PRKCB: variants seen among roughly 807,000 people sequenced by gnomAD.
PRKCB encodes the protein protein kinase C beta.
Under a neutral mutation model 81.5 loss-of-function variants are expected in PRKCB, and 13 were observed. The ratio of observed to expected loss-of-function variants is 0.16; its 90% CI spans 0.10 to 0.25. The LOEUF (loss-of-function observed/expected upper bound fraction) is 0.25, where lower values mean the gene tolerates loss of function less well. Ranked by LOEUF, PRKCB falls within the 10% of genes least tolerant of loss-of-function variation. The pLI, the probability that PRKCB is intolerant of heterozygous loss-of-function variation, is 1.00. For synonymous variants in PRKCB, 335 were observed against 321.4 expected, an observed-to-expected ratio of 1.04 and a Z score of -0.45; for missense variants, 509 against 875.7, an observed-to-expected ratio of 0.58 and a Z score of 5.29.
At chr16:24,129,010 G>C (rs564623784) in intron 9 of PRKCB, among the ~76,000 whole-genome samples, 1 of 152,128 alleles carries the variant, frequency 6.6e-6, no homozygotes, top group African/African-American at 2.4e-5. Context: ...AGTAAATACA[G>C]CAAATACTTG....
chr16:23,964,294 G>C (rs993468625), intron 2 of PRKCB, among the ~76,000 whole-genome samples: 1 of 152,326 alleles, frequency 6.6e-6, no homozygotes, highest in Non-Finnish European at 1.5e-5. Flanking sequence ...GCTGTGGCTT[G>C]TGGATCCATG....
intron 8 of PRKCB, among the ~76,000 whole-genome samples, chr16:24,114,992 C>G (rs1966719915): frequency 6.6e-6 from 1 of 152,048 alleles, no homozygotes; most frequent in Non-Finnish European, 1.5e-5. Context: ...TGGAAGTTTA[C>G]CATGTAAAAA....
intron 2 of PRKCB, among the ~76,000 whole-genome samples, chr16:23,921,930 A>G (rs569595681): frequency 2.1e-4 from 32 of 152,324 alleles, no homozygotes; most frequent in Admixed American, 2.0e-3. Flanking sequence ...GTTGAATCTT[A>G]TAGGCTCAGC....
intron 2 of PRKCB, among the ~76,000 whole-genome samples, chr16:23,838,783 A>G (rs886630797): frequency 1.3e-5 from 2 of 152,166 alleles, no homozygotes; most frequent in Non-Finnish European, 2.9e-5. Flanking sequence ...CTCTTCTGAG[A>G]TCGGGGTCCC....
intron 5 of PRKCB, among the ~76,000 whole-genome samples, chr16:24,072,588 C>CTCTTTTTTTTT (rs1555495026): frequency 2.1e-5 from 3 of 143,840 alleles, no homozygotes; most frequent in African/African-American, 7.8e-5. Context: ...CTCTCTCTCT[C>CTCTTTTTTTTT]TTTTTTTTTT....
intron 16 of PRKCB, among the ~76,000 whole-genome samples, chr16:24,210,665 A>G (rs1424110782): frequency 6.6e-6 from 1 of 151,898 alleles, no homozygotes; most frequent in Non-Finnish European, 1.5e-5. Flanking sequence ...ACACCCAGCT[A>G]ATATTTGTAT....
intron 2 of PRKCB, among the ~76,000 whole-genome samples, chr16:23,982,309 C>T (rs1204784536): frequency 1.7e-5 from 2 of 118,584 alleles, no homozygotes; most frequent in Non-Finnish European, 3.5e-5. Flanking sequence ...CCTTCCCTTT[C>T]CCTTCCCTTT....
chr16:24,038,775 G>A (rs1003946150), intron 5 of PRKCB, among the ~76,000 whole-genome samples: 5 of 152,254 alleles, frequency 3.3e-5, no homozygotes, highest in Non-Finnish European at 5.9e-5. Context: ...AAAGCTTGGC[G>A]AGAGTGTGGT....
chr16:24,104,855 C>T (rs1444517707), intron 7 of PRKCB, among the ~76,000 whole-genome samples: 1 of 152,042 alleles, frequency 6.6e-6, no homozygotes, highest in East Asian at 1.9e-4. Flanking sequence ...GTTGGCGGAT[C>T]CTGTCGGCCT....
intron 9 of PRKCB, among the ~76,000 whole-genome samples, chr16:24,138,094 A>G (rs1164779618): frequency 1.3e-5 from 2 of 152,200 alleles, no homozygotes; most frequent in Non-Finnish European, 2.9e-5. Context: ...TATTTTGCAG[A>G]TGAGGGAATA....
At chr16:24,070,248 A>T (rs1180640331) in intron 5 of PRKCB, among the ~76,000 whole-genome samples, 1 of 151,180 alleles carries the variant, frequency 6.6e-6, no homozygotes, top group Non-Finnish European at 1.5e-5. Context: ...TCCTGGGTTC[A>T]AGCGATTCTT....
intron 5 of PRKCB, among the ~76,000 whole-genome samples, chr16:24,049,461 G>A (rs80243555): frequency 8.7e-6 from 1 of 115,598 alleles, no homozygotes; most frequent in East Asian, 2.6e-4. Flanking sequence ...GACCTGCACC[G>A]TTAACCACTA....
chr16:24,089,789 T>TCTCTCACACACACACA (rs71381638), intron 5 of PRKCB, among the ~76,000 whole-genome samples: 24 of 149,884 alleles, frequency 1.6e-4, no homozygotes, highest in African/African-American at 5.9e-4. Context: ...TCTCTCTCTC[T>TCTCTCACACACACACA]CACACACACA....
chr16:24,217,000 C>A lies in PRKCB; in HGVS notation c.*2184C>A. The A allele has an allele frequency of 1.0e-6, 1 of 984,930 alleles. No individual in the cohort carries two copies. Among genetic ancestry groups the A allele is most frequent in the Non-Finnish European group, 1.2e-6 (1 of 829,896 alleles). 61.0% of individuals were successfully genotyped at this position (984,930 alleles called of 1,614,324 possible). On this transcript the variant is annotated 3_prime_UTR_variant, in exon 17 of 17. Coordinates refer to ENST00000643927, the MANE Select transcript of PRKCB (RefSeq NM_002738.7). ...ATCCCATTTTGCTTGGACATGCTCTCAGGAAGATAAAAACCATGGAGAAAC... is the reference window on the plus strand; with the variant it reads ...ATCCCATTTTGCTTGGACATGCTCTAAGGAAGATAAAAACCATGGAGAAAC...
intron 2 of PRKCB, among the ~76,000 whole-genome samples, chr16:23,905,376 C>T (rs189558062): frequency 6.6e-6 from 1 of 152,304 alleles, no homozygotes; most frequent in African/African-American, 2.4e-5. Flanking sequence ...GGATATCTCT[C>T]TCCTGTGGTA....
intron 9 of PRKCB, among the ~76,000 whole-genome samples, chr16:24,130,301 G>C (rs1966851533): frequency 6.6e-6 from 1 of 152,212 alleles, no homozygotes; most frequent in South Asian, 2.1e-4. Context: ...GTGATGTTTA[G>C]TATGTTCCAT....
intron 5 of PRKCB, among the ~76,000 whole-genome samples, chr16:24,038,126 G>A (rs943888234): frequency 1.3e-5 from 2 of 152,152 alleles, no homozygotes; most frequent in African/African-American, 4.8e-5. Context: ...AGGTTGCAGT[G>A]AGCTGAGATT....
chr16:24,105,055 A>ATTTTT (rs71154278), intron 7 of PRKCB, among the ~76,000 whole-genome samples: 2 of 148,132 alleles, frequency 1.4e-5, no homozygotes, highest in African/African-American at 2.5e-5. Flanking sequence ...ACGTTGTTGG[A>ATTTTT]TTTTTTTTTT....
intron 2 of PRKCB, among the ~76,000 whole-genome samples, chr16:23,883,596 G>T (rs1315477043): frequency 1.3e-5 from 2 of 152,190 alleles, no homozygotes; most frequent in African/African-American, 4.8e-5. Flanking sequence ...GAAGTGGGAG[G>T]ATGAGTCAGG....
Sources: gnomAD v4.1 joint callset for allele counts (sites outside exome capture counted in the v4.1 genomes callset) on GRCh38, gnomAD v4.1.1 for gene constraint, MANE v1.5 for transcripts, NCBI Gene and HGNC (gene_info 2026-07-23, HGNC 2026-07-21) for gene names.